The following CKS2 variants were observed in gnomAD, a reference collection of about 807,000 sequenced individuals.
CKS2 encodes the protein cyclin-dependent kinases regulatory subunit 2.
A neutral mutation model predicts 14.3 loss-of-function variants in CKS2; 4 were observed. That is an observed-to-expected ratio of 0.28 (90% CI 0.14 to 0.64). The LOEUF (loss-of-function observed/expected upper bound fraction) is 0.64. Among genes scored for constraint, CKS2 ranks in the 30% least tolerant of loss-of-function variants. The probability of loss-of-function intolerance (pLI) is 0.83; values close to 1 mark genes in which losing one functional copy is unlikely to be tolerated. For missense variants in CKS2, 71 were observed against 94.3 expected (o/e 0.75, Z 1.02); for synonymous variants, 33 against 28.7 (o/e 1.15, Z -0.48).
intron 1 of CKS2, among the ~76,000 whole-genome samples, chr9:89,312,535 T>TG (rs1324730959): frequency 6.6e-6 from 1 of 152,280 alleles, no homozygotes; most frequent in East Asian, 1.9e-4. Context: ...AACAAAACAG[T>TG]GGGTGGTTTC....
chr9:89,315,384 C>T, intron 2 of CKS2, 87 bp downstream of exon 2: 1 of 1,121,164 alleles, frequency 8.9e-7, no homozygotes, highest in Non-Finnish European at 1.2e-6. Flanking sequence ...TCATTGACAT[C>T]AAATGATATC....
Position 89,311,371 on chromosome 9 carries a change from C to A in CKS2, c.59+20C>A. ...GTACCGGTGGGCGCCTTTCTTAGACCCCGAGCCGGCTCCCTCAGCCGGGGC... is the reference window on the plus strand; with the variant it reads ...GTACCGGTGGGCGCCTTTCTTAGACACCGAGCCGGCTCCCTCAGCCGGGGC... On this transcript the variant is annotated intron_variant, in intron 1 of 2. Coordinates refer to ENST00000314355, the MANE Select transcript of CKS2 (RefSeq NM_001827.3). 1.3e-6 allele frequency: 2 copies of A among 1,592,178 alleles called. No individual in the cohort carries two copies. The highest frequency in any genetic ancestry group is 1.7e-6 in the Non-Finnish European group (2 of 1,171,582).
chr9:89,315,635 A>G (rs367954940), intron 2 of CKS2, among the ~76,000 whole-genome samples: 6 of 152,008 alleles, frequency 3.9e-5, no homozygotes, highest in Non-Finnish European at 8.8e-5. Flanking sequence ...GTTCTTATCT[A>G]TGTGTGGAAA....
intron 1 of CKS2, among the ~76,000 whole-genome samples, chr9:89,311,830 C>T (rs1824615686): frequency 6.6e-6 from 1 of 152,158 alleles, no homozygotes; most frequent in Admixed American, 6.5e-5. Context: ...CTGTCGCTGA[C>T]GGGGTGATGC....
intron 1 of CKS2, among the ~76,000 whole-genome samples, chr9:89,311,932 G>C (rs1824617614): frequency 6.6e-6 from 1 of 152,142 alleles, no homozygotes. Context: ...TTTTTGAAGT[G>C]AGTGGTATAA....
At chr9:89,313,076 T>C (rs1824649105) in intron 1 of CKS2, among the ~76,000 whole-genome samples, 2 of 152,242 alleles carry the variant, frequency 1.3e-5, no homozygotes, top group Admixed American at 1.3e-4. Flanking sequence ...TTAGAGCTGG[T>C]ATTAATTGGC....
intron 1 of CKS2, among the ~76,000 whole-genome samples, chr9:89,313,915 TA>T (rs934802497): frequency 1.3e-5 from 2 of 152,252 alleles, no homozygotes; most frequent in African/African-American, 4.8e-5. Context: ...TAAGGCAATC[TA>T]ACAACACAGT....
Position 89,316,384 on chromosome 9 carries a change from C to A in CKS2, c.199C>A (p.Leu67Ile). ...TTTTCTTTCCACAGAACCACATATTCTTCTCTTTAGACGACCTCTTCCAAA... is the reference window on the plus strand; with the variant it reads ...TTTTCTTTCCACAGAACCACATATTATTCTCTTTAGACGACCTCTTCCAAA... ...YMIHEPEPHILLFRRPLPKDQ... is the reference protein window; with the variant it reads ...YMIHEPEPHIILFRRPLPKDQ... The change falls in exon 3 of 3, where the codon CTT becomes ATT. Residue 67 changes from leucine (L) to isoleucine (I), a missense_variant. Transcript: ENST00000314355. The A allele has an allele frequency of 1.3e-6, 2 of 1,589,096 alleles. No homozygotes were observed. The highest frequency in any genetic ancestry group is 1.7e-6 in the Non-Finnish European group (2 of 1,161,140).
At chr9:89,313,271 T>C (rs1824652484) in intron 1 of CKS2, among the ~76,000 whole-genome samples, 1 of 152,248 alleles carries the variant, frequency 6.6e-6, no homozygotes, top group South Asian at 2.1e-4. Flanking sequence ...TATCTCTATC[T>C]TTCTTTGATT....
chr9:89,314,718 A>G (rs1824677201), intron 1 of CKS2, among the ~76,000 whole-genome samples: 2 of 152,208 alleles, frequency 1.3e-5, no homozygotes, highest in African/African-American at 4.8e-5. Flanking sequence ...CTCAATTTAC[A>G]GTTGCTTCTA....
intron 2 of CKS2, among the ~76,000 whole-genome samples, chr9:89,315,786 G>T (rs1824699807): frequency 6.6e-6 from 1 of 152,142 alleles, no homozygotes; most frequent in Non-Finnish European, 1.5e-5. Context: ...AGTTTTTCAG[G>T]TGTTAAATAG....
At chr9:89,311,437 T>TGGGGGGGGGGGGCGGGGGCGGGGGG in intron 1 of CKS2, 86 bp downstream of exon 1, 1 of 479,028 alleles carries the variant, frequency 2.1e-6, no homozygotes, top group Non-Finnish European at 3.5e-6. Context: ...GGGTCGGGGG[T>TGGGGGGGGGGGGCGGGGGCGGGGGG]GGGGGCCGGG....
chr9:89,311,806 G>A, intron 1 of CKS2, among the ~76,000 whole-genome samples: 1 of 152,170 alleles, frequency 6.6e-6, no homozygotes, highest in East Asian at 1.9e-4. Flanking sequence ...TTTAGCAACC[G>A]TGACACACTT....
intron 1 of CKS2, among the ~76,000 whole-genome samples, chr9:89,314,209 TA>T (rs988937855): frequency 1.3e-5 from 2 of 152,236 alleles, no homozygotes; most frequent in Admixed American, 1.3e-4. Context: ...GTGACTTTCA[TA>T]AAGTCCTTTT....
chr9:89,315,191 A>G lies in CKS2; in HGVS notation c.81A>G (p.Glu27=), dbSNP rs1386545597. The G allele has an allele frequency of 1.2e-6, 2 of 1,610,128 alleles. No homozygotes were observed. Among genetic ancestry groups the G allele is most frequent in the East Asian group, 4.5e-5 (2 of 44,754 alleles). The change falls in exon 2 of 3, where the codon GAA becomes GAG. Residue 27 remains glutamate (E), a synonymous_variant. Transcript: ENST00000314355. ...YEYRHVMLPR[E]LSKQVPKTHL... Reference sequence around the variant, plus strand: ...ACAGGCATGTTATGTTACCCAGAGAACTTTCCAAACAAGTACCTAAAACTC... The same window carrying G: ...ACAGGCATGTTATGTTACCCAGAGAGCTTTCCAAACAAGTACCTAAAACTC...
chr9:89,313,189 G>A (rs989390515), intron 1 of CKS2, among the ~76,000 whole-genome samples: 7 of 152,242 alleles, frequency 4.6e-5, no homozygotes, highest in South Asian at 2.1e-4. Flanking sequence ...AGGGTGGTTT[G>A]TATTAATATG....
chr9:89,313,318 C>T (rs1262111873), intron 1 of CKS2, among the ~76,000 whole-genome samples: 1 of 152,194 alleles, frequency 6.6e-6, no homozygotes, highest in Non-Finnish European at 1.5e-5. Context: ...AGTCCTTTTA[C>T]GTGAGGGTCT....
At chr9:89,314,601 G>A (rs1330941917) in intron 1 of CKS2, among the ~76,000 whole-genome samples, 4 of 152,186 alleles carry the variant, frequency 2.6e-5, no homozygotes, top group African/African-American at 9.7e-5. Context: ...CAAATTAACT[G>A]TAACTTAGAT....
chr9:89,315,149 C>G, intron 1 of CKS2, 21 bp from the exon 2 acceptor site: 1 of 1,597,488 alleles, frequency 6.3e-7, no homozygotes, highest in East Asian at 2.3e-5. Context: ...TGGACTAACA[C>G]TTGGCTGTAT....
Sources: allele counts gnomAD v4.1 joint callset (sites outside exome capture counted in the v4.1 genomes callset), GRCh38; gene constraint gnomAD v4.1.1; transcripts MANE v1.5; gene names NCBI Gene and HGNC (gene_info 2026-07-23, HGNC 2026-07-21).